DMC1: variants seen among roughly 807,000 people sequenced by gnomAD.
The protein encoded by DMC1 is DNA meiotic recombinase 1.
A neutral mutation model predicts 50.1 loss-of-function variants in DMC1; 27 were observed. The observed-to-expected ratio is 0.54, with a 90% CI of 0.40 to 0.74. The LOEUF is 0.74. Among genes scored for constraint, DMC1 ranks in the 30% least tolerant of loss-of-function variants. The pLI is 0.00. For missense variants in DMC1, 295 were observed against 420.2 expected, an observed-to-expected ratio of 0.70 and a Z score of 2.60; for synonymous variants, 148 against 136.1, an observed-to-expected ratio of 1.09 and a Z score of -0.61.
chr22:38,569,870 A>C (rs376875267), intron 1 of DMC1, among the ~76,000 whole-genome samples, 173 bp downstream of exon 1: 175 of 152,356 alleles, frequency 1.1e-3, no homozygotes, highest in African/African-American at 4.0e-3. Flanking sequence ...ATTCGATTGA[A>C]AATGAGGTTG....
chr22:38,521,751 T>C (rs2090031128), intron 12 of DMC1, 27 bp from the exon 13 acceptor site: 1 of 1,478,342 alleles, frequency 6.8e-7, no homozygotes, highest in Non-Finnish European at 9.5e-7. Context: ...CTCTTTCAGG[T>C]TTCATCATAT....
At chr22:38,523,229 G>C (rs1202248818) in intron 12 of DMC1, among the ~76,000 whole-genome samples, 1 of 152,188 alleles carries the variant, frequency 6.6e-6, no homozygotes, top group Admixed American at 6.5e-5. Flanking sequence ...AGAAAGCTGG[G>C]TTGCTTTGCC....
intron 12 of DMC1, among the ~76,000 whole-genome samples, chr22:38,534,728 G>A (rs1382038597): frequency 1.3e-5 from 2 of 151,550 alleles, no homozygotes; most frequent in Non-Finnish European, 2.9e-5. Context: ...ACGACTGAGT[G>A]CGGTGGGTCA....
chr22:38,540,670 C>G (rs1251718617), intron 8 of DMC1, among the ~76,000 whole-genome samples: 1 of 152,110 alleles, frequency 6.6e-6, no homozygotes, highest in Admixed American at 6.5e-5. Context: ...CATTTATATC[C>G]TAATGCACTA....
At chr22:38,534,429 G>A (rs1209239855) in intron 12 of DMC1, among the ~76,000 whole-genome samples, 6 of 152,148 alleles carry the variant, frequency 3.9e-5, no homozygotes, top group African/African-American at 1.2e-4. Context: ...CAGGCTGGGC[G>A]TAGTGGCTCA....
At chr22:38,563,031 A>C (rs2090545336) in intron 4 of DMC1, among the ~76,000 whole-genome samples, 2 of 152,276 alleles carry the variant, frequency 1.3e-5, no homozygotes, top group African/African-American at 4.8e-5. Flanking sequence ...GGCCTCCCAA[A>C]GTGCTGGGAT....
intron 12 of DMC1, among the ~76,000 whole-genome samples, chr22:38,524,573 T>G (rs1266857228): frequency 6.6e-6 from 1 of 152,170 alleles, no homozygotes; most frequent in Non-Finnish European, 1.5e-5. Context: ...CCTCTAAAAC[T>G]TCCTTTTTTC....
intron 3 of DMC1, 120 bp downstream of exon 3, chr22:38,567,463 C>T: frequency 1.2e-6 from 1 of 837,100 alleles, no homozygotes; most frequent in Non-Finnish European, 2.1e-6. Context: ...GTTGCAAACA[C>T]CCTACAATGC....
At chr22:38,525,596 T>A (rs1181945943) in intron 12 of DMC1, among the ~76,000 whole-genome samples, 2 of 152,268 alleles carry the variant, frequency 1.3e-5, no homozygotes, top group South Asian at 2.1e-4. Flanking sequence ...TGATTTTGAA[T>A]CACCCAAATG....
intron 2 of DMC1, 144 bp from the exon 3 acceptor site, chr22:38,567,771 C>T (rs2090595069): frequency 1.5e-6 from 1 of 669,832 alleles, no homozygotes; most frequent in Admixed American, 2.6e-5. Flanking sequence ...AGGATCAATA[C>T]CGTTTTTCAA....
intron 5 of DMC1, among the ~76,000 whole-genome samples, chr22:38,557,962 T>A (rs2090485759): frequency 1.6e-5 from 2 of 128,196 alleles, no homozygotes; most frequent in African/African-American, 5.9e-5. Flanking sequence ...AGTTCTTTTT[T>A]TTTTTTTTTT....
the DMC1 span, among the ~76,000 whole-genome samples, chr22:38,512,680 A>G: frequency 6.6e-6 from 1 of 152,200 alleles, no homozygotes; most frequent in African/African-American, 2.4e-5. Context: ...CCCTTTCTCC[A>G]GTCCCTGAAG....
intron 12 of DMC1, among the ~76,000 whole-genome samples, chr22:38,527,201 C>T (rs890949463): frequency 2.6e-5 from 4 of 152,026 alleles, no homozygotes; most frequent in Non-Finnish European, 5.9e-5. Flanking sequence ...TAAATCTCTC[C>T]TTCTTCTTTT....
intron 12 of DMC1, among the ~76,000 whole-genome samples, chr22:38,522,053 G>A (rs1291860627): frequency 3.3e-5 from 5 of 151,758 alleles, no homozygotes; most frequent in Admixed American, 6.6e-5. Flanking sequence ...CTGGGTTCAA[G>A]CGATTCTCCT....
At chr22:38,551,776 G>A (rs2090413670) in intron 7 of DMC1, among the ~76,000 whole-genome samples, 3 of 151,502 alleles carry the variant, frequency 2.0e-5, no homozygotes, top group Admixed American at 2.0e-4. Context: ...TAGAGAAGTA[G>A]AGCAACTTGC....
intron 6 of DMC1, among the ~76,000 whole-genome samples, chr22:38,554,910 C>T (rs2090452675): frequency 6.6e-6 from 1 of 151,958 alleles, no homozygotes; most frequent in African/African-American, 2.4e-5. Context: ...GGTGAAACCC[C>T]GTCTCCACTA....
At chr22:38,517,883 C>T (rs964769271), downstream of DMC1, among the ~76,000 whole-genome samples, 2 of 152,166 alleles carry the variant, frequency 1.3e-5, no homozygotes, top group Admixed American at 6.6e-5. Flanking sequence ...TTCTACTTGC[C>T]GAGTTAGTCT....
At chr22:38,517,974 C>CTT (rs1195079895), downstream of DMC1, among the ~76,000 whole-genome samples, 12 of 142,416 alleles carry the variant, frequency 8.4e-5, no homozygotes, top group Non-Finnish European at 1.2e-4. Flanking sequence ...TGGAATTTTA[C>CTT]TTTTTTTTTT....
chr22:38,568,369 T>TAGAA lies in DMC1; in HGVS notation c.-33-84_-33-81dup, dbSNP rs146872529. 2.5e-3 allele frequency: 2,559 copies of TAGAA among 1,028,102 alleles called. 49 individuals are homozygous for TAGAA. The African/African-American group carries it at 0.037, about 15-fold the overall frequency. The allele number at this position is 1,028,102 out of a possible 1,614,324, so 63.7% of individuals were successfully genotyped here. ...ATTTCATTTCAAAGTCAACAAGGAC[T>TAGAA]AGAAGGACAGTAAGAGAAGCATTTA... On this transcript the variant is annotated intron_variant, in intron 1 of 13. Coordinates refer to ENST00000216024, the MANE Select transcript of DMC1 (RefSeq NM_007068.4).
Sources: allele counts gnomAD v4.1 joint callset (sites outside exome capture counted in the v4.1 genomes callset), GRCh38; gene constraint gnomAD v4.1.1; transcripts MANE v1.5; gene names NCBI Gene and HGNC (gene_info 2026-07-23, HGNC 2026-07-21).